PYGB: variants seen among roughly 807,000 people sequenced by gnomAD.
PYGB encodes glycogen phosphorylase B, also known as glycogen phosphorylase, brain form.
Under a neutral mutation model 94.3 loss-of-function variants are expected in PYGB, and 82 were observed. That is an observed-to-expected ratio of 0.87 (90% confidence interval 0.73 to 1.04). The LOEUF (loss-of-function observed/expected upper bound fraction) is 1.04. Ranked by LOEUF, PYGB falls within the 50% of genes least tolerant of loss-of-function variation. The pLI, the probability that PYGB is intolerant of heterozygous loss-of-function variation, is 0.00. For missense variants in PYGB, 1,132 were observed against 1,158.2 expected, an observed-to-expected ratio of 0.98 and a Z score of 0.33; for synonymous variants, 488 against 479.1, an observed-to-expected ratio of 1.02 and a Z score of -0.24.
At chr20:25,277,658 C>T (rs978952214) in intron 7 of PYGB, among the ~76,000 whole-genome samples, 1 of 152,242 alleles carries the variant, frequency 6.6e-6, no homozygotes, top group African/African-American at 2.4e-5. Flanking sequence ...GCCCTCCAGT[C>T]TGTGTGCTGT....
Position 25,292,419 on chromosome 20 carries a change from T to A in PYGB, c.1983T>A (p.Ala661=), listed in dbSNP as rs891800845. The A allele has an allele frequency of 1.2e-6, 2 of 1,613,204 alleles. No homozygotes were observed. Among genetic ancestry groups the A allele is most frequent in the Admixed American group, 3.3e-5 (2 of 60,012 alleles). The change falls in exon 17 of 20, where the codon GCT becomes GCA. Residue 661 remains alanine, a synonymous_variant. Coordinates refer to ENST00000216962, the MANE Select transcript of PYGB (RefSeq NM_002862.4). The part of the protein sequence containing the change: ...VSLAEKVIPA[A]DLSQQISTAG... ...TCCCCTCCACAGTGATCCCGGCCGC[T>A]GATCTGTCGCAGCAGATCTCCACTG...
Position 25,284,102 on chromosome 20 carries a change from A to G in PYGB, c.1621-2A>G, listed in dbSNP as rs1030889610. ...AGCCATCTTTCCCTTTCACCCTCCC[A>G]GGAGAACAAGCTCAAGTTCTCGGCC... is the stretch of plus-strand genomic sequence containing the variant. On this transcript the variant is annotated splice_acceptor_variant, in intron 13 of 19. Coordinates refer to ENST00000216962, the MANE Select transcript of PYGB (RefSeq NM_002862.4). LOFTEE classifies it high-confidence loss of function. 1.2e-6 allele frequency: 2 copies of G among 1,613,672 alleles called. No individual in the cohort carries two copies. The highest frequency in any genetic ancestry group is 1.7e-6 in the Non-Finnish European group (2 of 1,179,740).
At chr20:25,283,526 G>C (rs1164962892) in intron 13 of PYGB, among the ~76,000 whole-genome samples, 1 of 152,208 alleles carries the variant, frequency 6.6e-6, no homozygotes, top group Non-Finnish European at 1.5e-5. Context: ...GCAGACCCCA[G>C]GCCAGCCCTG....
intron 2 of PYGB, among the ~76,000 whole-genome samples, chr20:25,268,157 A>ACCCCCCCCCC (rs375575044): frequency 1.7e-3 from 49 of 28,280 alleles, no homozygotes; most frequent in African/African-American, 6.2e-3. Flanking sequence ...AAATCCTAGC[A>ACCCCCCCCCC]CCCGCCCCCC....
chr20:25,259,139 C>A, intron 1 of PYGB, 98 bp from the exon 2 acceptor site: 2 of 1,084,342 alleles, frequency 1.8e-6, no homozygotes, highest in Non-Finnish European at 2.7e-6. Flanking sequence ...AAATGAAATC[C>A]CGAGTGGGGG....
chr20:25,263,421 A>G (rs1311885209), intron 2 of PYGB, among the ~76,000 whole-genome samples: 2 of 152,220 alleles, frequency 1.3e-5, no homozygotes, highest in African/African-American at 4.8e-5. Flanking sequence ...AAGGCAAGAA[A>G]TAGTAACTAA....
chr20:25,259,982 G>C (rs2092910065), intron 2 of PYGB, among the ~76,000 whole-genome samples: 1 of 152,128 alleles, frequency 6.6e-6, no homozygotes, highest in Non-Finnish European at 1.5e-5. Flanking sequence ...CTCCACCTCA[G>C]CGCCCTGCCA....
intron 1 of PYGB, among the ~76,000 whole-genome samples, chr20:25,250,472 C>G (rs1568680617): frequency 6.6e-6 from 1 of 152,182 alleles, no homozygotes; most frequent in Non-Finnish European, 1.5e-5. Flanking sequence ...AAGTTGTAAA[C>G]TTTTAGATCT....
chr20:25,248,936 G>A (rs1385600414), intron 1 of PYGB, among the ~76,000 whole-genome samples: 3 of 152,350 alleles, frequency 2.0e-5, no homozygotes, highest in African/African-American at 7.2e-5. Context: ...CACTGAAGAT[G>A]CCTGCTTCAC....
intron 18 of PYGB, chr20:25,294,907 C>T: frequency 1.3e-6 from 2 of 1,551,982 alleles, no homozygotes; most frequent in Non-Finnish European, 1.8e-6. Context: ...CCACTTTCAG[C>T]TGCCTTTGGG....
At chr20:25,289,847 C>G (rs778662573) in intron 15 of PYGB, 1 of 533,402 alleles carries the variant, frequency 1.9e-6, no homozygotes, top group East Asian at 5.4e-5. Context: ...TGGGAGTAGA[C>G]TGAAACATCA....
chr20:25,256,317 C>T (rs562804478), intron 1 of PYGB, among the ~76,000 whole-genome samples: 2 of 151,778 alleles, frequency 1.3e-5, no homozygotes, highest in South Asian at 4.2e-4. Context: ...ATATTTTCAT[C>T]TATTTTTGAG....
chr20:25,273,309 C>T (rs897098634), intron 4 of PYGB, among the ~76,000 whole-genome samples: 12 of 152,172 alleles, frequency 7.9e-5, no homozygotes, highest in South Asian at 2.1e-4. Context: ...GACAAGGAGA[C>T]GCCACCAGAA....
intron 7 of PYGB, 41 bp downstream of exon 7, chr20:25,277,367 C>T: frequency 6.6e-7 from 1 of 1,517,390 alleles, no homozygotes; most frequent in Non-Finnish European, 9.1e-7. Context: ...GGCCGTATCG[C>T]TTTCTGGCAT....
At chr20:25,275,278 A>T (rs1193462305) in intron 5 of PYGB, among the ~76,000 whole-genome samples, 1 of 152,214 alleles carries the variant, frequency 6.6e-6, no homozygotes, top group Non-Finnish European at 1.5e-5. Flanking sequence ...GCTGATGGGG[A>T]ATCAGGGCAA....
intron 9 of PYGB, among the ~76,000 whole-genome samples, chr20:25,279,665 G>C (rs2088347917): frequency 6.6e-6 from 1 of 152,042 alleles, no homozygotes; most frequent in Non-Finnish European, 1.5e-5. Context: ...TTAGAGACCA[G>C]CCTGGGCAAT....
intron 2 of PYGB, among the ~76,000 whole-genome samples, chr20:25,268,563 CA>C (rs1347611215): frequency 6.6e-6 from 1 of 151,900 alleles, no homozygotes; most frequent in Non-Finnish European, 1.5e-5. Flanking sequence ...CTTCTGAGAC[CA>C]AAAAGTTTAA....
chr20:25,285,922 A>T (rs2088414256), intron 14 of PYGB, among the ~76,000 whole-genome samples: 1 of 152,162 alleles, frequency 6.6e-6, no homozygotes, highest in Non-Finnish European at 1.5e-5. Context: ...AACCTTCCCG[A>T]GTTCTTGCTT....
chr20:25,293,374 C>T (rs2088491475), intron 17 of PYGB, among the ~76,000 whole-genome samples: 1 of 152,198 alleles, frequency 6.6e-6, no homozygotes, highest in Non-Finnish European at 1.5e-5. Context: ...GTCAGGTCTC[C>T]CCAGTGTCAT....
Sources: gnomAD v4.1 joint callset for allele counts (sites outside exome capture counted in the v4.1 genomes callset) on GRCh38, gnomAD v4.1.1 for gene constraint, MANE v1.5 for transcripts, NCBI Gene and HGNC (gene_info 2026-07-23, HGNC 2026-07-21) for gene names.